The following CEP164 variants were observed in gnomAD, a reference collection of about 807,000 sequenced individuals.
CEP164 encodes centrosomal protein 164, also known as centrosomal protein of 164 kDa.
CEP164 carries 162 observed loss-of-function variants against 182.7 expected under a neutral mutation model. That is an observed-to-expected ratio of 0.89 (90% CI 0.78 to 1.01). The LOEUF is 1.01. CEP164 is among the 50% of genes least tolerant of loss of function. CEP164 has a pLI of 0.00. For synonymous variants in CEP164, 661 were observed against 690.0 expected (o/e 0.96, Z 0.66); for missense variants, 1,735 against 1,790.4 (o/e 0.97, Z 0.56).
At chr11:117,355,383 T>C (rs982836256) in intron 5 of CEP164, 2 of 1,289,784 alleles carry the variant, frequency 1.6e-6, no homozygotes, top group Non-Finnish European at 2.0e-6. Flanking sequence ...CTCCAAAATA[T>C]GCAGGATGTG....
At chr11:117,384,329 G>C (rs1379398329) in intron 14 of CEP164, among the ~76,000 whole-genome samples, 2 of 152,204 alleles carry the variant, frequency 1.3e-5, no homozygotes, top group Non-Finnish European at 1.5e-5. Flanking sequence ...TATGGAAGGG[G>C]TGGTCATGTC....
intron 5 of CEP164, chr11:117,356,080 T>A: frequency 9.2e-7 from 1 of 1,089,842 alleles, no homozygotes; most frequent in Non-Finnish European, 1.1e-6. Context: ...ACAACTTCCC[T>A]TGGAACCTGC....
chr11:117,357,941 C>G (rs2040491353), intron 5 of CEP164, among the ~76,000 whole-genome samples: 1 of 152,176 alleles, frequency 6.6e-6, no homozygotes, highest in Non-Finnish European at 1.5e-5. Context: ...ACCTTTGTCC[C>G]TTTAAAGAGT....
intron 15 of CEP164, 150 bp from the exon 16 acceptor site, chr11:117,390,627 A>G (rs993131724): frequency 1.6e-4 from 162 of 1,030,582 alleles, no homozygotes; most frequent in Middle Eastern, 6.6e-4. Context: ...CAGAGCAAGA[A>G]CCTGTCTCCA....
intron 30 of CEP164, chr11:117,410,188 C>T (rs1161146258): frequency 1.5e-6 from 1 of 662,474 alleles, no homozygotes; most frequent in East Asian, 2.7e-5. Flanking sequence ...GCCAGGAGTT[C>T]TATGGGTTGG....
chr11:117,395,918 T>C (rs778154242), intron 24 of CEP164, 136 bp from the exon 25 acceptor site: 2 of 1,292,072 alleles, frequency 1.5e-6, no homozygotes, highest in African/African-American at 1.5e-5. Flanking sequence ...TCTCTGGTGC[T>C]ATTGTTCGTG....
intron 5 of CEP164, among the ~76,000 whole-genome samples, chr11:117,356,939 G>A (rs983844603): frequency 5.3e-5 from 8 of 152,042 alleles, no homozygotes; most frequent in East Asian, 1.9e-4. Flanking sequence ...CCTGGCATTC[G>A]TGCAGGATAT....
In CEP164 at chr11:117,373,773, T is replaced by A; in HGVS notation, c.1175T>A (p.Met392Lys). ...ASQELEISEH[M>K]KEPQLSDSIA... ...CAGGAACTGGAAATTAGTGAACACA[T>A]GAAGGAACCACAGCTCTCAGACTCC... is the stretch of plus-strand genomic sequence containing the variant. Residue 392 changes from methionine (M) to lysine (K), a missense_variant, in exon 10 of 33, where the codon ATG becomes AAG. By Grantham distance (95) the Met-to-Lys change is moderately conservative (BLOSUM62 -1). Coordinates refer to ENST00000278935, the MANE Select transcript of CEP164 (RefSeq NM_014956.5). 1 of 1,614,148 alleles carries A rather than the reference T, an allele frequency of 6.2e-7. No homozygotes were observed. The highest frequency in any genetic ancestry group is 8.5e-7 in the Non-Finnish European group (1 of 1,180,006).
At chr11:117,393,210 TGCAC>T in intron 20 of CEP164, 84 bp downstream of exon 20, 1 of 1,517,752 alleles carries the variant, frequency 6.6e-7, no homozygotes, top group South Asian at 1.2e-5. Context: ...CACACACACA[TGCAC>T]GCACATGCAC....
chr11:117,394,861 T>A lies in CEP164; in HGVS notation c.2761-59T>A. 6.5e-7 allele frequency: 1 copy of A among 1,545,464 alleles called. No individual in the cohort carries two copies. Among genetic ancestry groups the A allele is most frequent in the East Asian group, 2.3e-5 (1 of 44,444 alleles). On this transcript the variant is annotated intron_variant, in intron 21 of 32. Coordinates refer to ENST00000278935, the MANE Select transcript of CEP164 (RefSeq NM_014956.5). The surrounding 1 kb of genome is among the most constrained non-coding windows in gnomAD (Gnocchi z 4.0). ...CATGGTGGGTTCTGGAACCCCCTCC[T>A]GCCCCTCAGCTAATGCCTTACACTC...
chr11:117,367,139 G>A (rs1790903167), intron 8 of CEP164, among the ~76,000 whole-genome samples: 2 of 152,230 alleles, frequency 1.3e-5, no homozygotes, highest in Admixed American at 1.3e-4. Flanking sequence ...TGTATACCTG[G>A]TTGGAGCTTC....
intron 11 of CEP164, among the ~76,000 whole-genome samples, chr11:117,378,487 T>G (rs747981016): frequency 3.0e-4 from 45 of 152,342 alleles, no homozygotes; most frequent in Non-Finnish European, 4.9e-4. Flanking sequence ...ATTCTTTTTG[T>G]TGGCTGCACA....
In CEP164 at chr11:117,387,288, G is replaced by A. The variant is rs187622644; in HGVS notation, c.1810G>A (p.Glu604Lys). The A allele has an allele frequency of 9.3e-6, 15 of 1,614,200 alleles. No individual in the cohort carries two copies. The East Asian group carries it at 1.8e-4, about 19-fold the overall frequency. ...GGAAGAGGCAGTGGCCCAAGTACTC[G>A]AGCAAGACCAGAGGCACCTGCTGGA... The part of the protein sequence containing the change: ...AMEEAVAQVL[E>K]QDQRHLLESK... Residue 604 changes from glutamate to lysine, a missense_variant, in exon 15 of 33, where the codon GAG (glutamate) becomes AAG (lysine). Glu to Lys is a moderately conservative substitution (Grantham distance 56, BLOSUM62 1). Coordinates refer to ENST00000278935, the MANE Select transcript of CEP164 (RefSeq NM_014956.5).
intron 7 of CEP164, 57 bp from the exon 8 acceptor site, chr11:117,363,372 C>T (rs2041232833): frequency 3.0e-6 from 4 of 1,326,228 alleles, no homozygotes; most frequent in Non-Finnish European, 4.3e-6. Flanking sequence ...GCACACCCCT[C>T]ACCCTGGGTT....
intron 25 of CEP164, 150 bp downstream of exon 25, chr11:117,396,330 C>A: frequency 1.1e-6 from 1 of 935,298 alleles, no homozygotes. Context: ...TGGGCCAAGG[C>A]ATCAGGAAGG....
At chr11:117,392,735 A>C in intron 19 of CEP164, 108 bp downstream of exon 19, 3 of 1,446,276 alleles carry the variant, frequency 2.1e-6, no homozygotes, top group Non-Finnish European at 2.8e-6. Flanking sequence ...TGGATGGCTC[A>C]GCTGGGGTTA....
chr11:117,400,035 G>T (rs1280063696), intron 27 of CEP164, among the ~76,000 whole-genome samples: 1 of 152,090 alleles, frequency 6.6e-6, no homozygotes, highest in African/African-American at 2.4e-5. Context: ...CATTGCTTTT[G>T]GTGTGTAGTC....
chr11:117,325,285 A>G (rs776840879), upstream of CEP164, among the ~76,000 whole-genome samples: 41 of 151,922 alleles, frequency 2.7e-4, no homozygotes, highest in Non-Finnish European at 5.3e-4. Context: ...GGGTTTTGCC[A>G]TGTTGGCCAG....
At chr11:117,401,301 G>A (rs867918887) in intron 27 of CEP164, among the ~76,000 whole-genome samples, 9 of 152,138 alleles carry the variant, frequency 5.9e-5, no homozygotes, top group East Asian at 3.8e-4. Context: ...ATTGATTTAC[G>A]TATGTTGAAC....
Sources: allele counts gnomAD v4.1 joint callset (sites outside exome capture counted in the v4.1 genomes callset), GRCh38; gene constraint gnomAD v4.1.1; non-coding constraint Gnocchi (gnomAD v3.1); transcripts MANE v1.5; gene names NCBI Gene and HGNC (gene_info 2026-07-23, HGNC 2026-07-21).